LNX1: variants seen among roughly 807,000 people sequenced by gnomAD.
LNX1 encodes E3 ubiquitin-protein ligase LNX.
In LNX1, 54 loss-of-function variants were observed where a neutral mutation model predicts 68.4. The observed-to-expected ratio is 0.79, with a 90% CI of 0.63 to 0.99. The LOEUF (loss-of-function observed/expected upper bound fraction) is 0.99. Among genes scored for constraint, LNX1 ranks in the 50% least tolerant of loss-of-function variants. The pLI is 0.00. For missense variants in LNX1, 906 were observed against 926.4 expected (o/e 0.98, Z 0.29); for synonymous variants, 336 against 350.0 (o/e 0.96, Z 0.45).
In LNX1 at chr4:53,577,291, G is replaced by A. The variant is rs77466171; in HGVS notation, c.-86-3203C>T. Among the ~76,000 whole-genome samples, 322 of 152,294 alleles carry A rather than the reference G, an allele frequency of 2.1e-3. 1 individual carries two copies. The highest frequency in any genetic ancestry group is 0.014 in the Middle Eastern group (4 of 294). ...GAACTAAAGCTCTAGGTCTTTTAAAGCTTCTCTGTAGTGTTCTGCCATATA... is the reference window on the plus strand; with the variant it reads ...GAACTAAAGCTCTAGGTCTTTTAAAACTTCTCTGTAGTGTTCTGCCATATA... On this transcript the variant is annotated intron_variant, in intron 1 of 10. Transcript: ENST00000263925.
At chr4:53,618,423 A>G (rs1044228486), upstream of LNX1, among the ~76,000 whole-genome samples, 2 of 152,220 alleles carry the variant, frequency 1.3e-5, no homozygotes, top group Non-Finnish European at 2.9e-5. Context: ...GCTCTTTGAG[A>G]TAACAAAGCT....
At chr4:53,640,177 A>G (rs1404208332) in intron 1 of LNX1, among the ~76,000 whole-genome samples, 7 of 152,198 alleles carry the variant, frequency 4.6e-5, no homozygotes, top group Non-Finnish European at 7.3e-5. Flanking sequence ...TTTTGTTCCC[A>G]TTTCCAATTG....
intron 9 of LNX1, among the ~76,000 whole-genome samples, chr4:53,476,265 T>C (rs555664206): frequency 4.6e-5 from 7 of 152,284 alleles, no homozygotes; most frequent in Non-Finnish European, 7.4e-5. Context: ...ACCACTGCAC[T>C]CTAGCCTGGG....
chr4:53,507,972 C>A lies in LNX1; in HGVS notation c.622+14G>T. 2 of 1,606,540 alleles carry A rather than the reference C, an allele frequency of 1.2e-6. No homozygotes were observed. The highest frequency in any genetic ancestry group is 1.7e-6 in the Non-Finnish European group (2 of 1,173,740). The stretch of plus-strand genomic sequence containing the variant: ...CAAGGAGCCCATTCCCGGACAACCA[C>A]CCATTTGACTCACCCCTAGTTCGGT... On this transcript the variant is annotated intron_variant, in intron 3 of 10. Transcript: ENST00000263925.
chr4:53,569,274 T>A (rs1730955488), intron 2 of LNX1, among the ~76,000 whole-genome samples: 1 of 149,546 alleles, frequency 6.7e-6, no homozygotes, highest in African/African-American at 2.4e-5. Flanking sequence ...ACTACAAGGC[T>A]ACAGTAACCA....
chr4:53,508,878 A>G (rs893329189), intron 2 of LNX1, among the ~76,000 whole-genome samples: 3 of 152,180 alleles, frequency 2.0e-5, no homozygotes, highest in Non-Finnish European at 4.4e-5. Context: ...TAAGAGAGTA[A>G]AACAGCTTTT....
chr4:53,484,853 C>T (rs528933841), intron 6 of LNX1, among the ~76,000 whole-genome samples: 1 of 152,136 alleles, frequency 6.6e-6, no homozygotes, highest in South Asian at 2.1e-4. Flanking sequence ...CTGAAAAGGG[C>T]CCAAAAAAGA....
At position 53,646,216 on chromosome 4, in the gene LNX1, TG is replaced by T. The variant is rs1229042609; in HGVS notation, c.-215+5951del. Among the ~76,000 whole-genome samples the T allele has an allele frequency of 5.3e-5, 8 of 152,186 alleles. 1 individual carries two copies. The highest frequency in any genetic ancestry group is 5.2e-4 in the Admixed American group (8 of 15,274). On this transcript the variant is annotated intron_variant, in intron 1 of 2. Coordinates refer to the LNX1 transcript ENST00000507168. ...CTTGTTTATATTTCCCATGATTTTA[TG>T]GCAGAGCTCCAACTCTGAGATGCCT...
At chr4:53,575,478 G>A in intron 1 of LNX1, 2 of 982,336 alleles carry the variant, frequency 2.0e-6, no homozygotes, top group South Asian at 9.4e-5. Flanking sequence ...CTTTGAGAGA[G>A]ACTTAAAGGA....
chr4:53,460,001 T>G lies in LNX1; in HGVS notation c.*906A>C, dbSNP rs1463132648. 1 of 211,266 alleles carries G rather than the reference T, an allele frequency of 4.7e-6. No individual in the cohort carries two copies. Among genetic ancestry groups the G allele is most frequent in the Admixed American group, 5.9e-5 (1 of 17,064 alleles). The allele number at this position is 211,266 out of a possible 1,614,324, so 13.1% of individuals were successfully genotyped here. The stretch of plus-strand genomic sequence containing the variant: ...CCTGGTGAAACCAAATGGGGTACAC[T>G]TTCATATCCAAATTAATAAAACCTA... On this transcript the variant is annotated 3_prime_UTR_variant, in exon 11 of 11. Transcript: ENST00000263925.
intron 1 of LNX1, among the ~76,000 whole-genome samples, chr4:53,637,646 T>G (rs539983087): frequency 6.6e-6 from 1 of 152,154 alleles, no homozygotes; most frequent in South Asian, 2.1e-4. Context: ...ATGTGCAACC[T>G]TATTTTTTGT....
upstream of LNX1, among the ~76,000 whole-genome samples, chr4:53,596,263 G>T (rs1342281499): frequency 1.3e-5 from 2 of 152,180 alleles, no homozygotes; most frequent in Non-Finnish European, 2.9e-5. Flanking sequence ...CCTGTGTGTT[G>T]CCTGGTTTGC....
intron 1 of LNX1, among the ~76,000 whole-genome samples, chr4:53,590,457 T>C (rs190420364): frequency 1.3e-5 from 2 of 152,320 alleles, no homozygotes; most frequent in African/African-American, 4.8e-5. Context: ...GGCTTAAAAA[T>C]GGTTTCCTTT....
At chr4:53,582,377 T>C (rs376915352) in intron 1 of LNX1, among the ~76,000 whole-genome samples, 1 of 152,182 alleles carries the variant, frequency 6.6e-6, no homozygotes, top group Non-Finnish European at 1.5e-5. Context: ...GAATGTAACC[T>C]AGGGCCAGGT....
At chr4:53,528,660 G>A (rs1193320919) in intron 2 of LNX1, among the ~76,000 whole-genome samples, 2 of 122,806 alleles carry the variant, frequency 1.6e-5, no homozygotes, top group Admixed American at 1.9e-4. Flanking sequence ...GAGGGTCTTA[G>A]AACACATTCC....
Position 53,468,499 on chromosome 4 carries a change from C to T in LNX1, c.1893-6906G>A, listed in dbSNP as rs558334148. 6.1e-3 allele frequency among the ~76,000 whole-genome samples: 933 copies of T among 152,208 alleles called. 4 individuals are homozygous for T. The highest frequency in any genetic ancestry group is 9.3e-3 in the Non-Finnish European group (630 of 68,014). ...TCAAATTCACACATAACAATATTCA[C>T]CTTAAATGTAAATGGGCTAAATGCT... On this transcript the variant is annotated intron_variant, in intron 9 of 10. Coordinates refer to ENST00000263925, the MANE Select transcript of LNX1 (RefSeq NM_001126328.3).
intron 1 of LNX1, chr4:53,576,017 C>A: frequency 6.4e-7 from 1 of 1,569,658 alleles, no homozygotes; most frequent in Non-Finnish European, 8.6e-7. Flanking sequence ...CTTCCCCCCA[C>A]CAGCCTGAAG....
chr4:53,576,431 A>G, intron 1 of LNX1: 1 of 1,442,032 alleles, frequency 6.9e-7, no homozygotes, highest in Non-Finnish European at 9.1e-7. Context: ...TTGGACAGGC[A>G]CCTCAGATGG....
chr4:53,533,458 G>T (rs2109627125), intron 2 of LNX1, among the ~76,000 whole-genome samples: 1 of 152,302 alleles, frequency 6.6e-6, no homozygotes, highest in Non-Finnish European at 1.5e-5. Context: ...GAGTGCAGCG[G>T]TGCGTTCTCA....
Sources: allele counts gnomAD v4.1 joint callset (sites outside exome capture counted in the v4.1 genomes callset), GRCh38; gene constraint gnomAD v4.1.1; transcripts MANE v1.5; gene names NCBI Gene and HGNC (gene_info 2026-07-23, HGNC 2026-07-21).